Variants in TRPM3 observed in about 807,000 individuals in gnomAD.
The protein encoded by TRPM3 is transient receptor potential cation channel subfamily M member 3, also known as long transient receptor potential channel 3.
Under a neutral mutation model 181.2 loss-of-function variants are expected in TRPM3, and 77 were observed. The ratio of observed to expected loss-of-function variants is 0.42; its 90% confidence interval spans 0.35 to 0.51. The LOEUF is 0.51. Among genes scored for constraint, TRPM3 ranks in the 20% least tolerant of loss-of-function variants. The probability of loss-of-function intolerance (pLI) is 0.01; values close to 1 mark genes in which losing one functional copy is unlikely to be tolerated. For missense variants in TRPM3, 1,759 were observed against 2,196.7 expected, an observed-to-expected ratio of 0.80 and a Z score of 3.98; for synonymous variants, 745 against 796.4, an observed-to-expected ratio of 0.94 and a Z score of 1.09.
chr9:71,329,993 T>C (rs562927384), intron 1 of TRPM3, among the ~76,000 whole-genome samples: 6 of 151,938 alleles, frequency 3.9e-5, no homozygotes, highest in African/African-American at 1.4e-4. Context: ...CCAGAAAAGA[T>C]GAGTGAGAAA....
chr9:71,418,263 G>A (rs1053464615), intron 1 of TRPM3, among the ~76,000 whole-genome samples: 2 of 151,828 alleles, frequency 1.3e-5, no homozygotes, highest in Non-Finnish European at 2.9e-5. Flanking sequence ...CAAACCAAAG[G>A]GAATTTATTA....
intron 6 of TRPM3, among the ~76,000 whole-genome samples, chr9:70,813,327 C>T (rs979819741): frequency 2.6e-5 from 4 of 151,998 alleles, no homozygotes; most frequent in African/African-American, 9.7e-5. Context: ...TACTATGCAG[C>T]CATAAAAAAG....
chr9:71,218,343 A>G (rs2080026246), intron 1 of TRPM3, among the ~76,000 whole-genome samples: 1 of 152,244 alleles, frequency 6.6e-6, no homozygotes, highest in African/African-American at 2.4e-5. Context: ...TCATTTAATC[A>G]TAACAATAGC....
chr9:71,092,800 T>C (rs2066441069), intron 1 of TRPM3, among the ~76,000 whole-genome samples: 1 of 152,130 alleles, frequency 6.6e-6, no homozygotes, highest in African/African-American at 2.4e-5. Context: ...ATTCATTTGT[T>C]TAAAAATATT....
chr9:70,888,581 C>A (rs1258859300), intron 1 of TRPM3, among the ~76,000 whole-genome samples: 1 of 152,064 alleles, frequency 6.6e-6, no homozygotes, highest in African/African-American at 2.4e-5. Context: ...GTCTTACATC[C>A]ATTGTTAATG....
chr9:70,846,229 A>T, intron 4 of TRPM3, 149 bp downstream of exon 4: 1 of 700,956 alleles, frequency 1.4e-6, no homozygotes, highest in East Asian at 2.5e-5. Context: ...TCTCATTTAG[A>T]TAAAGGAGGG....
intron 1 of TRPM3, among the ~76,000 whole-genome samples, chr9:71,198,727 C>G (rs1217313784): frequency 6.6e-6 from 1 of 150,908 alleles, no homozygotes. Context: ...GATTTTGTAT[C>G]CTGAGACTTT....
chr9:70,667,409 T>C (rs1289341037), intron 9 of TRPM3, among the ~76,000 whole-genome samples: 5 of 152,166 alleles, frequency 3.3e-5, no homozygotes, highest in African/African-American at 4.8e-5. Context: ...GGGAACCAAG[T>C]TGGGGAAGAG....
In TRPM3 at chr9:70,767,155, C is replaced by T. The variant is rs147584213; in HGVS notation, c.1149-5431G>A. On this transcript the variant is annotated intron_variant, in intron 7 of 25. Coordinates refer to ENST00000677713, the MANE Select transcript of TRPM3 (RefSeq NM_001366145.2). ...CTCTCCTGGCGTTAACAGTGCTCTGCACATCTGGTGAGTCCGGTGGTGTAA... is the reference window on the plus strand; with the variant it reads ...CTCTCCTGGCGTTAACAGTGCTCTGTACATCTGGTGAGTCCGGTGGTGTAA... Among the ~76,000 whole-genome samples the T allele has an allele frequency of 8.6e-3, 1,307 of 152,310 alleles. 65 individuals carry two copies. Among genetic ancestry groups the T allele is most frequent in the Admixed American group, 0.076 (1,166 of 15,282 alleles).
chr9:71,209,380 G>GGGA (rs1554846864), intron 1 of TRPM3, among the ~76,000 whole-genome samples: 2 of 110,396 alleles, frequency 1.8e-5, no homozygotes, highest in Admixed American at 9.8e-5. Context: ...GGGAGAAGAG[G>GGGA]GGGTAGGGAG....
intron 1 of TRPM3, among the ~76,000 whole-genome samples, chr9:70,933,001 A>C (rs2096790388): frequency 6.6e-6 from 1 of 152,240 alleles, no homozygotes; most frequent in South Asian, 2.1e-4. Flanking sequence ...AGATTTGATG[A>C]TGTGTTGATG....
intron 1 of TRPM3, among the ~76,000 whole-genome samples, chr9:71,399,536 T>G (rs1326629563): frequency 7.0e-6 from 1 of 141,874 alleles, no homozygotes; most frequent in South Asian, 2.2e-4. Context: ...GTTTTTTTTT[T>G]TTTTTTTTTT....
chr9:71,341,345 G>A (rs529814307), intron 1 of TRPM3, among the ~76,000 whole-genome samples: 2 of 152,202 alleles, frequency 1.3e-5, no homozygotes, highest in African/African-American at 4.8e-5. Context: ...GAGGAAATCT[G>A]GCAGATGCCA....
chr9:70,858,880 T>C (rs1438108406), intron 3 of TRPM3, among the ~76,000 whole-genome samples: 1 of 152,158 alleles, frequency 6.6e-6, no homozygotes, highest in Non-Finnish European at 1.5e-5. Flanking sequence ...GAAGCTTCAG[T>C]TCACAGGTGG....
intron 7 of TRPM3, among the ~76,000 whole-genome samples, chr9:70,781,851 TA>T (rs1156597178): frequency 4.2e-4 from 64 of 152,246 alleles, no homozygotes; most frequent in African/African-American, 1.5e-3. Flanking sequence ...TTTAACTTAT[TA>T]AATATTTTAA....
chr9:70,570,094 G>T (rs1223004370), intron 22 of TRPM3, among the ~76,000 whole-genome samples: 4 of 151,914 alleles, frequency 2.6e-5, no homozygotes, highest in African/African-American at 9.7e-5. Context: ...GCTCAAGATT[G>T]GCGTTGCTTT....
At chr9:71,210,709 G>A (rs2079439772) in intron 1 of TRPM3, among the ~76,000 whole-genome samples, 1 of 152,208 alleles carries the variant, frequency 6.6e-6, no homozygotes, top group Non-Finnish European at 1.5e-5. Flanking sequence ...TTGTCTTAAT[G>A]TGTTCTGGCT....
At chr9:70,646,397 G>A (rs1012881531) in intron 9 of TRPM3, among the ~76,000 whole-genome samples, 2 of 152,136 alleles carry the variant, frequency 1.3e-5, no homozygotes, top group Non-Finnish European at 2.9e-5. Context: ...CCATAGAAAA[G>A]GATGAGTTCA....
chr9:70,618,988 G>T lies in TRPM3; in HGVS notation c.2237C>A (p.Thr746Lys). Residue 746 changes from threonine (T) to lysine (K), a missense_variant, in exon 17 of 26, where the codon ACG becomes AAG. Coordinates refer to ENST00000677713, the MANE Select transcript of TRPM3 (RefSeq NM_001366145.2). ...TYELKNWSNA[T>K]CLQLAVAAKH... ...GGCAGCCACGGCAAGCTGCAGGCAC[G>T]TGGCGTTGCTCCAGTTCTTCAGCTC... The T allele has an allele frequency of 6.2e-7, 1 of 1,614,198 alleles. No individual in the cohort carries two copies. Among genetic ancestry groups the T allele is most frequent in the Non-Finnish European group, 8.5e-7 (1 of 1,180,034 alleles).
Sources: allele counts gnomAD v4.1 joint callset (sites outside exome capture counted in the v4.1 genomes callset), GRCh38; gene constraint gnomAD v4.1.1; transcripts MANE v1.5; gene names NCBI Gene and HGNC (gene_info 2026-07-23, HGNC 2026-07-21).